HTR1B: variants seen among roughly 807,000 people sequenced by gnomAD.
HTR1B encodes the protein 5-hydroxytryptamine (serotonin) receptor 1B, G protein-coupled.
In HTR1B, 12 loss-of-function variants were observed where a neutral mutation model predicts 25.3. The ratio of observed to expected loss-of-function variants is 0.47; its 90% CI spans 0.30 to 0.77. The LOEUF is 0.77. HTR1B is among the 30% of genes least tolerant of loss of function. The probability of loss-of-function intolerance (pLI) is 0.06; values close to 1 mark genes in which losing one functional copy is unlikely to be tolerated. For missense variants in HTR1B, 453 were observed against 503.0 expected, an observed-to-expected ratio of 0.90 and a Z score of 0.95; for synonymous variants, 224 against 219.1, an observed-to-expected ratio of 1.02 and a Z score of -0.20.
chr6:77,462,654 G>A lies in HTR1B; in HGVS notation c.750C>T (p.Arg250=). The part of the protein sequence containing the change: ...LKQTPNRTGK[R]LTRAQLITDS... ...CGGTTATCAGCTGGGCTCGGGTCAA[G>A]CGCTTGCCGGTCCTGTTGGGCGTCT... is the stretch of plus-strand genomic sequence containing the variant. The change falls in exon 1 of 1, where the codon CGC becomes CGT. Residue 250 remains arginine (R), a synonymous_variant. Coordinates refer to ENST00000369947, the MANE Select transcript of HTR1B (RefSeq NM_000863.3). The surrounding 1 kb of genome is among the most constrained non-coding windows in gnomAD (Gnocchi z 4.9). The A allele has an allele frequency of 6.2e-7, 1 of 1,613,366 alleles. No individual in the cohort carries two copies. The highest frequency in any genetic ancestry group is 1.6e-4 in the Middle Eastern group (1 of 6,062).
At position 77,462,655 on chromosome 6, in the gene HTR1B, C is replaced by G. The variant is rs201262698; in HGVS notation, c.749G>C (p.Arg250Pro). The G allele has an allele frequency of 1.2e-6, 2 of 1,613,102 alleles. No homozygotes were observed. Among genetic ancestry groups the G allele is most frequent in the African/African-American group, 1.3e-5 (1 of 74,890 alleles). Residue 250 changes from arginine (R) to proline (P), a missense_variant, in exon 1 of 1, where the codon CGC (arginine) becomes CCC (proline). Arg to Pro is a moderately radical substitution (Grantham distance 103). Coordinates refer to ENST00000369947, the MANE Select transcript of HTR1B (RefSeq NM_000863.3). This position sits in a 1 kb window ranked among gnomAD's most constrained non-coding sequence, Gnocchi z 4.9. ...LKQTPNRTGK[R>P]LTRAQLITDS... is the part of the protein sequence containing the mutation. ...GGTTATCAGCTGGGCTCGGGTCAAG[C>G]GCTTGCCGGTCCTGTTGGGCGTCTG... is the stretch of plus-strand genomic sequence containing the variant.
In HTR1B at chr6:77,463,453, C is replaced by G. The variant is rs200454424; in HGVS notation, c.-50G>C. The G allele has an allele frequency of 2.7e-6, 4 of 1,500,672 alleles. No homozygotes were observed. The highest frequency in any genetic ancestry group is 2.7e-6 in the Non-Finnish European group (3 of 1,098,232). 93.0% of individuals were successfully genotyped at this position (1,500,672 alleles called of 1,614,324 possible). On this transcript the variant is annotated 5_prime_UTR_variant, in exon 1 of 1. Transcript: ENST00000369947. The stretch of plus-strand genomic sequence containing the variant: ...GCGCAGCTCTTGGGCATGGAGCGGA[C>G]GAAGGAGAGGGCGGAAGGACCGTGG...
rs753170993 is a variant in HTR1B, at chr6:77,463,357, G to A, written c.47C>T (p.Ser16Phe). 6.2e-7 allele frequency: 1 copy of A among 1,613,964 alleles called. No homozygotes were observed. The highest frequency in any genetic ancestry group is 1.7e-5 in the Admixed American group (1 of 60,028). ...AQCAPPPPAG[S>F]ETWVPQANLS... ...GTTGGCTTGAGGAACCCAGGTCTCG[G>A]AGCCCGCGGGCGGCGGTGGAGCGCA... Residue 16 changes from serine (S) to phenylalanine (F), a missense_variant, in exon 1 of 1, where the codon TCC becomes TTC. By Grantham distance (155) the Ser-to-Phe change is radical (BLOSUM62 -2). Coordinates refer to ENST00000369947, the MANE Select transcript of HTR1B (RefSeq NM_000863.3).
chr6:77,463,220 C>T lies in HTR1B; in HGVS notation c.184G>A (p.Ala62Thr). The T allele has an allele frequency of 6.2e-7, 1 of 1,614,198 alleles. No homozygotes were observed. Among genetic ancestry groups the T allele is most frequent in the Non-Finnish European group, 8.5e-7 (1 of 1,180,038 alleles). Reference protein sequence around the residue: ...LVMLLALITLATTLSNAFVIA... With the variant: ...LVMLLALITLTTTLSNAFVIA... ...ACAAAGGCATTGGAGAGCGTGGTGG[C>T]CAAGGTGATGAGCGCCAATAGCATA... The change falls in exon 1 of 1, where the codon GCC (alanine) becomes ACC (threonine). Residue 62 changes from alanine (A) to threonine (T), a missense_variant. This residue lies in a region of HTR1B where 129 missense variants were observed against 118.3 expected (regional missense o/e 1.09). Coordinates refer to ENST00000369947, the MANE Select transcript of HTR1B (RefSeq NM_000863.3).
Position 77,461,600 on chromosome 6 carries a change from A to G in HTR1B, c.*631T>C, listed in dbSNP as rs887143432. Among the ~76,000 whole-genome samples, 1 of 144,258 alleles carries G rather than the reference A, an allele frequency of 6.9e-6. No homozygotes were observed. The highest frequency in any genetic ancestry group is 2.6e-5 in the African/African-American group (1 of 38,830). The allele number at this position is 144,258 out of a possible 152,430, so 94.6% of individuals were successfully genotyped here. Reference sequence around the variant, plus strand: ...GTATAATAAAAATAGAGATCTCAGCATCAGAATTTTGCTGTTAACTCTTCA... The same window carrying G: ...GTATAATAAAAATAGAGATCTCAGCGTCAGAATTTTGCTGTTAACTCTTCA... On this transcript the variant is annotated 3_prime_UTR_variant, in exon 1 of 1. Transcript: ENST00000369947.
In HTR1B at chr6:77,461,161, G is replaced by A. The variant is rs142832271; in HGVS notation, c.*1070C>T. ...TGCCCCCACCCCATTCCTCAATTGT[G>A]TAAGAACTATCCCCATGTCATCAGT... On this transcript the variant is annotated 3_prime_UTR_variant, in exon 1 of 1. Transcript: ENST00000369947. Among the ~76,000 whole-genome samples the A allele has an allele frequency of 7.0e-4, 106 of 152,194 alleles. No individual in the cohort carries two copies. The highest frequency in any genetic ancestry group is 6.5e-4 in the Admixed American group (10 of 15,290).
At position 77,462,730 on chromosome 6, in the gene HTR1B, A is replaced by G. The variant is rs150030508; in HGVS notation, c.674T>C (p.Ile225Thr). The change falls in exon 1 of 1, where the codon ATC (isoleucine) becomes ACC (threonine). Residue 225 changes from isoleucine to threonine, a missense_variant. Around this residue, in one of 3 missense-constraint regions of HTR1B, gnomAD observed 289 missense variants for 319.6 expected, o/e 0.90. Transcript: ENST00000369947. The surrounding 1 kb of genome is among the most constrained non-coding windows in gnomAD (Gnocchi z 4.9). Reference protein sequence around the residue: ...GAFYFPTLLLIALYGRIYVEA... With the variant: ...GAFYFPTLLLTALYGRIYVEA... ...TACGTAGATGCGGCCATAGAGGGCG[A>G]TGAGGAGCAGGGTGGGGAAGTAGAA... The G allele has an allele frequency of 1.6e-4, 262 of 1,613,872 alleles. No homozygotes were observed. In the Middle Eastern group the frequency reaches 3.1e-3, roughly 19 times the overall value.
rs201701788 is a variant in HTR1B, at chr6:77,462,345, G to A, written c.1059C>T (p.Phe353=). Residue 353 remains phenylalanine (F), a synonymous_variant, in exon 1 of 1, where the codon TTC becomes TTT. Transcript: ENST00000369947. This position sits in a 1 kb window ranked among gnomAD's most constrained non-coding sequence, Gnocchi z 4.9. Reference sequence around the variant, plus strand: ...AGTTGAGATAGCCCAGCCATGTGAAGAAGTCAAAGATGGCTAGGTGGAACC... The same window carrying A: ...AGTTGAGATAGCCCAGCCATGTGAAAAAGTCAAAGATGGCTAGGTGGAACC... ...ACWFHLAIFD[F]FTWLGYLNSL... is the part of the protein sequence containing the mutation. The A allele has an allele frequency of 1.2e-6, 2 of 1,613,942 alleles. No individual in the cohort carries two copies. Among genetic ancestry groups the A allele is most frequent in the South Asian group, 2.2e-5 (2 of 91,074 alleles).
At position 77,462,607 on chromosome 6, in the gene HTR1B, G is replaced by A; in HGVS notation, c.797C>T (p.Ser266Leu). The stretch of plus-strand genomic sequence containing the variant: ...AACCCGCGAGTTAATAGAGGTGACC[G>A]AGGACGTGGACCCGGGGGAGTCGGT... ...LITDSPGSTS[S>L]VTSINSRVPD... is the part of the protein sequence containing the mutation. Residue 266 changes from serine to leucine, a missense_variant, in exon 1 of 1, where the codon TCG (serine) becomes TTG (leucine). By Grantham distance (145) the Ser-to-Leu change is moderately radical. Coordinates refer to ENST00000369947, the MANE Select transcript of HTR1B (RefSeq NM_000863.3). The surrounding 1 kb of genome is among the most constrained non-coding windows in gnomAD (Gnocchi z 4.9). The A allele has an allele frequency of 1.2e-6, 2 of 1,613,082 alleles. No homozygotes were observed. The highest frequency in any genetic ancestry group is 1.7e-6 in the Non-Finnish European group (2 of 1,180,022).
chr6:77,463,485 C>T lies in HTR1B; in HGVS notation c.-82G>A, dbSNP rs904204447. 7.6e-6 allele frequency: 9 copies of T among 1,185,612 alleles called. No individual in the cohort carries two copies. The highest frequency in any genetic ancestry group is 1.5e-5 in the African/African-American group (1 of 65,936). 73.4% of individuals were successfully genotyped at this position (1,185,612 alleles called of 1,614,324 possible). On this transcript the variant is annotated 5_prime_UTR_variant, in exon 1 of 1. Coordinates refer to ENST00000369947, the MANE Select transcript of HTR1B (RefSeq NM_000863.3). ...GAGGGCGGAAGGACCGTGGCGATCG[C>T]AGGTTTGTCCCCAGTTGATAGTTCC...
chr6:77,462,482 T>A lies in HTR1B; in HGVS notation c.922A>T (p.Arg308Trp), dbSNP rs202009760. 1.9e-6 allele frequency: 3 copies of A among 1,614,042 alleles called. No individual in the cohort carries two copies. The South Asian group carries it at 3.3e-5, about 18-fold the overall frequency. Reference protein sequence around the residue: ...LLEKKKLMAARERKATKTLGI... With the variant: ...LLEKKKLMAAWERKATKTLGI... ...AGGGTCTTGGTGGCTTTGCGCTCCC[T>A]AGCGGCCATGAGTTTCTTCTTTTCC... Residue 308 changes from arginine (R) to tryptophan (W), a missense_variant, in exon 1 of 1, where the codon AGG (arginine) becomes TGG (tryptophan). Arg to Trp is a moderately radical substitution (Grantham distance 101). Coordinates refer to ENST00000369947, the MANE Select transcript of HTR1B (RefSeq NM_000863.3). This position sits in a 1 kb window ranked among gnomAD's most constrained non-coding sequence, Gnocchi z 4.9.
chr6:77,462,676 G>C lies in HTR1B; in HGVS notation c.728C>G (p.Thr243Arg). 2 of 1,613,538 alleles carry C rather than the reference G, an allele frequency of 1.2e-6. No individual in the cohort carries two copies. Among genetic ancestry groups the C allele is most frequent in the Non-Finnish European group, 1.7e-6 (2 of 1,180,014 alleles). ...CAAGCGCTTGCCGGTCCTGTTGGGCGTCTGTTTCAAAATCCGGGAGCGGGC... is the reference window on the plus strand; with the variant it reads ...CAAGCGCTTGCCGGTCCTGTTGGGCCTCTGTTTCAAAATCCGGGAGCGGGC... ...VEARSRILKQ[T>R]PNRTGKRLTR... is the part of the protein sequence containing the mutation. Residue 243 changes from threonine to arginine, a missense_variant, in exon 1 of 1, where the codon ACG becomes AGG. Thr to Arg is a moderately conservative substitution (Grantham distance 71). Around this residue, in one of 3 missense-constraint regions of HTR1B, gnomAD observed 289 missense variants for 319.6 expected, o/e 0.90. Coordinates refer to ENST00000369947, the MANE Select transcript of HTR1B (RefSeq NM_000863.3). This position sits in a 1 kb window ranked among gnomAD's most constrained non-coding sequence, Gnocchi z 4.9.
chr6:77,463,005 G>A lies in HTR1B; in HGVS notation c.399C>T (p.Cys133=), dbSNP rs772559439. 2.5e-6 allele frequency: 4 copies of A among 1,614,188 alleles called. No homozygotes were observed. Among genetic ancestry groups the A allele is most frequent in the South Asian group, 2.2e-5 (2 of 91,092 alleles). ...CACAGAGGTGCAGGATGGAGGCAGT[G>A]CAACAAGTGATGTCCGACGACAGCC... ...DFWLSSDITC[C]TASILHLCVI... The change falls in exon 1 of 1, where the codon TGC becomes TGT. Residue 133 remains cysteine (C), a synonymous_variant. Transcript: ENST00000369947.
In HTR1B at chr6:77,462,004, A is replaced by C. The variant is rs1208224342; in HGVS notation, c.*227T>G. On this transcript the variant is annotated 3_prime_UTR_variant, in exon 1 of 1. Coordinates refer to ENST00000369947, the MANE Select transcript of HTR1B (RefSeq NM_000863.3). The surrounding 1 kb of genome is among the most constrained non-coding windows in gnomAD (Gnocchi z 4.9). ...GCTGAGCCCGGGGCTTGAGGGGAGG[A>C]AGTGAGCCTCCTCCTGGGCAGGGAA... 7.7e-6 allele frequency: 4 copies of C among 520,598 alleles called. No homozygotes were observed. Among genetic ancestry groups the C allele is most frequent in the Non-Finnish European group, 1.4e-5 (4 of 292,644 alleles). 32.2% of individuals were successfully genotyped at this position (520,598 alleles called of 1,614,324 possible).
At position 77,463,368 on chromosome 6, in the gene HTR1B, C is replaced by A. The variant is rs1355646952; in HGVS notation, c.36G>T (p.Pro12=). ...GAACCCAGGTCTCGGAGCCCGCGGG[C>A]GGCGGTGGAGCGCACTGAGCACCCG... ...EEPGAQCAPP[P]PAGSETWVPQ... Residue 12 remains proline (P), a synonymous_variant, in exon 1 of 1, where the codon CCG becomes CCT. Coordinates refer to ENST00000369947, the MANE Select transcript of HTR1B (RefSeq NM_000863.3). The A allele has an allele frequency of 1.2e-6, 2 of 1,613,598 alleles. No homozygotes were observed. Among genetic ancestry groups the A allele is most frequent in the Admixed American group, 3.3e-5 (2 of 60,008 alleles).
chr6:77,462,636 C>A lies in HTR1B; in HGVS notation c.768G>T (p.Leu256=). 1 of 1,613,154 alleles carries A rather than the reference C, an allele frequency of 6.2e-7. No individual in the cohort carries two copies. Among genetic ancestry groups the A allele is most frequent in the Non-Finnish European group, 8.5e-7 (1 of 1,180,022 alleles). ...RTGKRLTRAQ[L]ITDSPGSTSS... ...ACGTGGACCCGGGGGAGTCGGTTAT[C>A]AGCTGGGCTCGGGTCAAGCGCTTGC... Residue 256 remains leucine (L), a synonymous_variant, in exon 1 of 1, where the codon CTG becomes CTT. Transcript: ENST00000369947. The surrounding 1 kb of genome is among the most constrained non-coding windows in gnomAD (Gnocchi z 4.9).
chr6:77,462,785 G>C lies in HTR1B; in HGVS notation c.619C>G (p.Leu207Val). Residue 207 changes from leucine to valine, a missense_variant, in exon 1 of 1, where the codon CTC becomes GTC. Transcript: ENST00000369947. The surrounding 1 kb of genome is among the most constrained non-coding windows in gnomAD (Gnocchi z 4.9). ...CCCACCGTGGAGTAGACCGTGTAGAGGATGTGGTCGGTGTTCACCACGCAT... is the reference window on the plus strand; with the variant it reads ...CCCACCGTGGAGTAGACCGTGTAGACGATGTGGTCGGTGTTCACCACGCAT... ...SECVVNTDHILYTVYSTVGAF... is the reference protein window; with the variant it reads ...SECVVNTDHIVYTVYSTVGAF... 1 of 1,611,678 alleles carries C rather than the reference G, an allele frequency of 6.2e-7. No homozygotes were observed. Among genetic ancestry groups the C allele is most frequent in the South Asian group, 1.1e-5 (1 of 90,964 alleles).
chr6:77,461,325 T>C lies in HTR1B; in HGVS notation c.*906A>G, dbSNP rs1766131840. The stretch of plus-strand genomic sequence containing the variant: ...GCAGTGTGGGCTGAGTCACCCATCA[T>C]ACCCTTCATTTATGGGGATTTAAAT... On this transcript the variant is annotated 3_prime_UTR_variant, in exon 1 of 1. Coordinates refer to ENST00000369947, the MANE Select transcript of HTR1B (RefSeq NM_000863.3). Among the ~76,000 whole-genome samples, 2 of 152,232 alleles carry C rather than the reference T, an allele frequency of 1.3e-5. No homozygotes were observed. The highest frequency in any genetic ancestry group is 1.3e-4 in the Admixed American group (2 of 15,278).
At position 77,463,318 on chromosome 6, in the gene HTR1B, G is replaced by A. The variant is rs1178706165; in HGVS notation, c.86C>T (p.Pro29Leu). The A allele has an allele frequency of 1.2e-6, 2 of 1,614,038 alleles. No homozygotes were observed. Among genetic ancestry groups the A allele is most frequent in the Non-Finnish European group, 1.7e-6 (2 of 1,180,020 alleles). The change falls in exon 1 of 1, where the codon CCC becomes CTC. Residue 29 changes from proline (P) to leucine (L), a missense_variant. Transcript: ENST00000369947. Reference protein sequence around the residue: ...WVPQANLSSAPSQNCSAKDYI... With the variant: ...WVPQANLSSALSQNCSAKDYI... ...GTCCTTGGCGCTGCAGTTTTGGGAG[G>A]GAGCAGAGGATAAGTTGGCTTGAGG...
Sources: gnomAD v4.1 joint callset for allele counts (sites outside exome capture counted in the v4.1 genomes callset) on GRCh38, gnomAD v4.1.1 for gene constraint, gnomAD v4.1.1 regional missense constraint, Gnocchi (gnomAD v3.1) non-coding constraint, MANE v1.5 for transcripts, NCBI Gene and HGNC (gene_info 2026-07-23, HGNC 2026-07-21) for gene names.